Variants in CA10 observed in about 807,000 individuals in gnomAD.
The protein encoded by CA10 is carbonic anhydrase-related protein 10.
CA10 carries 14 observed loss-of-function variants against 44.2 expected under a neutral mutation model. The ratio of observed to expected loss-of-function variants is 0.32; its 90% CI spans 0.21 to 0.50. The LOEUF (loss-of-function observed/expected upper bound fraction) is 0.50, where lower values mean the gene tolerates loss of function less well. CA10 is among the 20% of genes least tolerant of loss of function. CA10 has a pLI of 0.99. For missense variants in CA10, 350 were observed against 409.7 expected (o/e 0.85, Z 1.26); for synonymous variants, 159 against 141.6 (o/e 1.12, Z -0.87).
chr17:52,110,390 C>T (rs1988764127), intron 1 of CA10, among the ~76,000 whole-genome samples: 2 of 152,148 alleles, frequency 1.3e-5, no homozygotes, highest in South Asian at 4.1e-4. Flanking sequence ...GGCTTTGGGC[C>T]CTTAACCTCT....
intron 3 of CA10, among the ~76,000 whole-genome samples, chr17:51,863,895 T>C (rs1387286816): frequency 6.6e-6 from 1 of 152,218 alleles, no homozygotes; most frequent in Non-Finnish European, 1.5e-5. Flanking sequence ...ACCTGAGCTT[T>C]GGTGTCCAGA....
In CA10 at chr17:52,119,402, A is replaced by G. The variant is rs530391157; in HGVS notation, c.61+38324T>C. ...TCAAGCTTGACTTGCAGAGCTGATA[A>G]AAGTCCCTTGGGAAAACTGGCCTCA... On this transcript the variant is annotated intron_variant, in intron 1 of 8. Coordinates refer to ENST00000451037, the MANE Select transcript of CA10 (RefSeq NM_020178.5). 3.3e-5 allele frequency among the ~76,000 whole-genome samples: 5 copies of G among 152,332 alleles called. No individual in the cohort carries two copies. In the South Asian group the frequency reaches 1.0e-3, roughly 32 times the overall value.
intron 3 of CA10, among the ~76,000 whole-genome samples, chr17:51,881,907 T>C (rs966326935): frequency 2.0e-5 from 3 of 152,122 alleles, no homozygotes; most frequent in Non-Finnish European, 4.4e-5. Flanking sequence ...CAATTTCACT[T>C]CTAGGCACAT....
At chr17:51,643,105 C>T (rs929677485) in intron 6 of CA10, among the ~76,000 whole-genome samples, 2 of 152,218 alleles carry the variant, frequency 1.3e-5, no homozygotes, top group East Asian at 1.9e-4. Flanking sequence ...ACTGTTCCCT[C>T]TTACCCACTT....
chr17:51,893,867 A>G (rs1035052098), intron 3 of CA10, among the ~76,000 whole-genome samples: 1 of 152,168 alleles, frequency 6.6e-6, no homozygotes, highest in African/African-American at 2.4e-5. Context: ...TATTGTCTCT[A>G]TATATTCACG....
chr17:51,767,859 T>G (rs2143650242), intron 3 of CA10, among the ~76,000 whole-genome samples: 1 of 152,134 alleles, frequency 6.6e-6, no homozygotes, highest in East Asian at 1.9e-4. Flanking sequence ...GGGTTCATGC[T>G]CTTAAGAGAA....
At chr17:51,709,003 G>A (rs1425747605) in intron 4 of CA10, among the ~76,000 whole-genome samples, 1 of 152,182 alleles carries the variant, frequency 6.6e-6, no homozygotes, top group East Asian at 1.9e-4. Context: ...ACTTCACCTT[G>A]TGATTGTGTG....
intron 3 of CA10, among the ~76,000 whole-genome samples, chr17:51,772,056 C>T (rs1410393700): frequency 6.6e-6 from 1 of 152,166 alleles, no homozygotes; most frequent in East Asian, 1.9e-4. Flanking sequence ...TGCTGGAATC[C>T]TATGTCTCCT....
At chr17:52,062,070 T>TC (rs1479091869) in intron 2 of CA10, among the ~76,000 whole-genome samples, 127 of 147,148 alleles carry the variant, frequency 8.6e-4, no homozygotes, top group Admixed American at 1.6e-3. Flanking sequence ...GGCCACTTTT[T>TC]TTTTTTTTTT....
At chr17:51,811,034 G>A (rs926930252) in intron 3 of CA10, among the ~76,000 whole-genome samples, 13 of 151,944 alleles carry the variant, frequency 8.6e-5, no homozygotes, top group African/African-American at 3.1e-4. Context: ...CGTCTGTACT[G>A]AAAATACAAA....
intron 4 of CA10, among the ~76,000 whole-genome samples, chr17:51,729,330 T>G (rs1257983635): frequency 6.6e-6 from 1 of 152,172 alleles, no homozygotes; most frequent in African/African-American, 2.4e-5. Flanking sequence ...TTCAGATGCT[T>G]AAACTTTTTT....
chr17:51,873,073 T>C (rs549081999), intron 3 of CA10, among the ~76,000 whole-genome samples: 1 of 152,358 alleles, frequency 6.6e-6, no homozygotes, highest in African/African-American at 2.4e-5. Context: ...TTTCTAAGCA[T>C]GCTGGCTCTA....
At chr17:52,131,834 A>G (rs1989246855) in intron 1 of CA10, among the ~76,000 whole-genome samples, 1 of 152,226 alleles carries the variant, frequency 6.6e-6, no homozygotes, top group Admixed American at 6.5e-5. Flanking sequence ...GCAGCCATAA[A>G]AAATGATGAG....
intron 1 of CA10, among the ~76,000 whole-genome samples, chr17:52,104,537 G>A (rs1307839087): frequency 3.9e-5 from 6 of 152,100 alleles, no homozygotes; most frequent in South Asian, 4.1e-4. Context: ...TTTCTCAAAC[G>A]AGGGCACAAA....
rs529933173 is a variant in CA10 at position 52,123,384 on chromosome 17, G to GTGTC, written c.61+34341_61+34342insGACA. 4.4e-3 allele frequency among the ~76,000 whole-genome samples: 662 copies of GTGTC among 150,138 alleles called. 5 individuals are homozygous for GTGTC. Among genetic ancestry groups the GTGTC allele is most frequent in the African/African-American group, 0.015 (630 of 40,862 alleles). On this transcript the variant is annotated intron_variant, in intron 1 of 8. Coordinates refer to ENST00000451037, the MANE Select transcript of CA10 (RefSeq NM_020178.5). ...GTATATATATGGGGTGTGTGTGTGT[G>GTGTC]TGTGTGTGTGTGACGTTTTCATTTA...
intron 2 of CA10, among the ~76,000 whole-genome samples, chr17:52,006,610 T>C (rs1441870634): frequency 6.6e-6 from 1 of 151,788 alleles, no homozygotes; most frequent in Non-Finnish European, 1.5e-5. Context: ...CCTATCTGCA[T>C]CTCCACATAA....
intron 3 of CA10, among the ~76,000 whole-genome samples, chr17:51,850,317 G>T (rs1407178220): frequency 6.6e-6 from 1 of 152,196 alleles, no homozygotes; most frequent in Non-Finnish European, 1.5e-5. Flanking sequence ...CCAGTTTACT[G>T]CTTTAACCCA....
intron 3 of CA10, among the ~76,000 whole-genome samples, chr17:51,866,133 G>A (rs550704632): frequency 1.9e-4 from 29 of 152,294 alleles, no homozygotes; most frequent in African/African-American, 5.8e-4. Flanking sequence ...AGTTCCTGAC[G>A]ATGCCACTAA....
At chr17:52,008,613 C>T (rs1985682114) in intron 2 of CA10, among the ~76,000 whole-genome samples, 2 of 151,782 alleles carry the variant, frequency 1.3e-5, no homozygotes, top group East Asian at 3.9e-4. Flanking sequence ...TGACAACTTA[C>T]ATATTGTAAG....
Sources: gnomAD v4.1 joint callset for allele counts (sites outside exome capture counted in the v4.1 genomes callset) on GRCh38, gnomAD v4.1.1 for gene constraint, MANE v1.5 for transcripts, NCBI Gene and HGNC (gene_info 2026-07-23, HGNC 2026-07-21) for gene names.